Variants in SLC28A1 observed in about 807,000 individuals in gnomAD.
The protein encoded by SLC28A1 is sodium/nucleoside cotransporter 1.
In SLC28A1, 64 loss-of-function variants were observed where a neutral mutation model predicts 74.8. The ratio of observed to expected loss-of-function variants is 0.86; its 90% CI spans 0.70 to 1.05. The LOEUF (loss-of-function observed/expected upper bound fraction) is 1.05, where lower values mean the gene tolerates loss of function less well. Among genes scored for constraint, SLC28A1 ranks in the 50% least tolerant of loss-of-function variants. The pLI, the probability that SLC28A1 is intolerant of heterozygous loss-of-function variation, is 0.00. For missense variants in SLC28A1, 828 were observed against 822.8 expected, an observed-to-expected ratio of 1.01 and a Z score of -0.08; for synonymous variants, 359 against 335.0, an observed-to-expected ratio of 1.07 and a Z score of -0.78.
intron 15 of SLC28A1, among the ~76,000 whole-genome samples, 162 bp from the exon 16 acceptor site, chr15:84,943,283 A>T (rs551347374): frequency 9.8e-5 from 15 of 152,312 alleles, no homozygotes; most frequent in African/African-American, 3.6e-4. Flanking sequence ...GAGCCAACTT[A>T]GAGGTGGGAT....
intron 11 of SLC28A1, among the ~76,000 whole-genome samples, chr15:84,923,401 A>G (rs1047082449): frequency 3.3e-5 from 5 of 152,100 alleles, no homozygotes; most frequent in African/African-American, 4.8e-5. Context: ...GAAGGCAGGG[A>G]CTTTATCCTG....
At chr15:84,901,469 T>C (rs910460968) in intron 6 of SLC28A1, among the ~76,000 whole-genome samples, 8 of 151,608 alleles carry the variant, frequency 5.3e-5, no homozygotes, top group African/African-American at 1.9e-4. Flanking sequence ...ATCTTGTGCC[T>C]CTGCACTCCA....
intron 8 of SLC28A1, among the ~76,000 whole-genome samples, chr15:84,906,564 C>CTTTCTTTATT: frequency 1.3e-5 from 1 of 75,028 alleles, no homozygotes; most frequent in South Asian, 4.5e-4. Context: ...TTCTTTCTTT[C>CTTTCTTTATT]TCTTTCTTTC....
chr15:84,971,856 C>A, the SLC28A1 span, among the ~76,000 whole-genome samples: 1 of 152,162 alleles, frequency 6.6e-6, no homozygotes, highest in African/African-American at 2.4e-5. Context: ...ATCATGTTGC[C>A]CAGGCTGGTG....
Position 84,924,076 on chromosome 15 carries a change from C to A in SLC28A1, c.1049C>A (p.Ala350Asp), listed in dbSNP as rs1211942656. Residue 350 changes from alanine to aspartate, a missense_variant, in exon 12 of 19, where the codon GCT (alanine) becomes GAT (aspartate). By Grantham distance (126) the Ala-to-Asp change is moderately radical. Coordinates refer to ENST00000394573, the MANE Select transcript of SLC28A1 (RefSeq NM_004213.5). ...VVMTGGYATI[A>D]GSLLGAYISF... ...ATGACCGGAGGTTACGCCACCATTG[C>A]TGGCAGCCTGCTGGGTGCCTACATC... 7 of 1,613,900 alleles carry A rather than the reference C, an allele frequency of 4.3e-6. No homozygotes were observed. The highest frequency in any genetic ancestry group is 1.3e-5 in the African/African-American group (1 of 75,000).
At chr15:84,961,446 C>G in the SLC28A1 span, 1 of 449,894 alleles carries the variant, frequency 2.2e-6, no homozygotes, top group South Asian at 1.6e-5. Context: ...ATCTTCCTAC[C>G]TCAGTCTCCC....
the SLC28A1 span, chr15:84,975,424 T>C: frequency 2.2e-6 from 1 of 454,176 alleles, no homozygotes; most frequent in Non-Finnish European, 4.4e-6. Flanking sequence ...CAACATTAGA[T>C]AATAGCAGCG....
rs556750679 is a variant in SLC28A1 at position 84,929,825 on chromosome 15, A to G, written c.1084-3320A>G. On this transcript the variant is annotated intron_variant, in intron 12 of 18. Transcript: ENST00000394573. The stretch of plus-strand genomic sequence containing the variant: ...TATAGTGAGCCATGATCATGCCATT[A>G]CACTCCAGCCTGGGTGACAGAGCGA... 2.6e-5 allele frequency among the ~76,000 whole-genome samples: 4 copies of G among 152,258 alleles called. No individual in the cohort carries two copies. The South Asian group carries it at 8.3e-4, about 32-fold the overall frequency.
intron 6 of SLC28A1, among the ~76,000 whole-genome samples, chr15:84,903,257 A>C (rs1966840852): frequency 6.6e-6 from 1 of 152,258 alleles, no homozygotes; most frequent in Admixed American, 6.5e-5. Flanking sequence ...ACTGTAGTTA[A>C]GTGAATAGAC....
At chr15:84,895,495 C>A (rs375991676) in intron 6 of SLC28A1, 2 of 1,596,770 alleles carry the variant, frequency 1.3e-6, no homozygotes, top group South Asian at 1.1e-5. Context: ...CAGGCTCGAT[C>A]GGGGTCCAGG....
chr15:84,917,951 A>C (rs1192681623), intron 9 of SLC28A1, among the ~76,000 whole-genome samples: 1 of 152,150 alleles, frequency 6.6e-6, no homozygotes, highest in African/African-American at 2.4e-5. Flanking sequence ...TAAGCCTGGT[A>C]CTAATAATAG....
At chr15:84,943,260 T>A (rs1208664507) in intron 15 of SLC28A1, among the ~76,000 whole-genome samples, 185 bp from the exon 16 acceptor site, 1 of 152,094 alleles carries the variant, frequency 6.6e-6, no homozygotes, top group African/African-American at 2.4e-5. Flanking sequence ...ATGTTTTTGA[T>A]GTGGTGCAGT....
intron 6 of SLC28A1, among the ~76,000 whole-genome samples, chr15:84,902,507 G>C (rs1966784263): frequency 6.6e-6 from 1 of 151,534 alleles, no homozygotes; most frequent in African/African-American, 2.4e-5. Flanking sequence ...GACTAATCTA[G>C]TGGCAGAAAA....
the SLC28A1 span, among the ~76,000 whole-genome samples, chr15:84,956,446 T>TTCCTTC: frequency 4.7e-3 from 396 of 84,772 alleles, 1 homozygote; most frequent in African/African-American, 0.011. Flanking sequence ...TTCCTTCCTT[T>TTCCTTC]CTTTCTTTCT....
chr15:84,901,269 G>C (rs1200532206), intron 6 of SLC28A1, among the ~76,000 whole-genome samples: 1 of 152,224 alleles, frequency 6.6e-6, no homozygotes, highest in Non-Finnish European at 1.5e-5. Context: ...ACTTTGGGAG[G>C]CCAAGGGTGG....
intron 14 of SLC28A1, 38 bp downstream of exon 14, chr15:84,935,232 A>G: frequency 6.2e-7 from 1 of 1,612,962 alleles, no homozygotes; most frequent in Non-Finnish European, 8.5e-7. Context: ...TGTAGAGAGG[A>G]TGGCCCCAGG....
intron 5 of SLC28A1, among the ~76,000 whole-genome samples, chr15:84,892,510 A>G (rs1965474142): frequency 6.6e-6 from 1 of 152,228 alleles, no homozygotes; most frequent in African/African-American, 2.4e-5. Context: ...GTAGAGAATG[A>G]AAATTACCCC....
intron 5 of SLC28A1, among the ~76,000 whole-genome samples, chr15:84,893,090 CG>C (rs1294646045): frequency 1.3e-5 from 2 of 151,730 alleles, no homozygotes; most frequent in Non-Finnish European, 2.9e-5. Flanking sequence ...CTTCCTGGCC[CG>C]CCCCGACCAC....
At chr15:84,929,061 T>C (rs1970978659) in intron 12 of SLC28A1, among the ~76,000 whole-genome samples, 1 of 152,174 alleles carries the variant, frequency 6.6e-6, no homozygotes, top group Non-Finnish European at 1.5e-5. Flanking sequence ...CACATAGCTA[T>C]TGAGCACTTG....
Sources: gnomAD v4.1 joint callset for allele counts (sites outside exome capture counted in the v4.1 genomes callset) on GRCh38, gnomAD v4.1.1 for gene constraint, MANE v1.5 for transcripts, NCBI Gene and HGNC (gene_info 2026-07-23, HGNC 2026-07-21) for gene names.